GALK2: variants seen among roughly 807,000 people sequenced by gnomAD.
GALK2 encodes N-acetylgalactosamine kinase.
GALK2 carries 36 observed loss-of-function variants against 52.4 expected under a neutral mutation model. The ratio of observed to expected loss-of-function variants is 0.69; its 90% CI spans 0.53 to 0.91. The LOEUF (loss-of-function observed/expected upper bound fraction) is 0.91. Among genes scored for constraint, GALK2 ranks in the 40% least tolerant of loss-of-function variants. GALK2 has a pLI of 0.00. For missense variants in GALK2, 579 were observed against 559.1 expected (o/e 1.04, Z -0.36); for synonymous variants, 176 against 199.1 (o/e 0.88, Z 0.98).
At chr15:49,186,211 C>G (rs2086325452) in intron 1 of GALK2, among the ~76,000 whole-genome samples, 1 of 152,174 alleles carries the variant, frequency 6.6e-6, no homozygotes, top group African/African-American at 2.4e-5. Context: ...CAGTCTCTCT[C>G]ACTCTCTATG....
intron 1 of GALK2, among the ~76,000 whole-genome samples, chr15:49,173,849 C>G (rs1172115596): frequency 6.6e-6 from 1 of 152,022 alleles, no homozygotes; most frequent in Non-Finnish European, 1.5e-5. Context: ...TCAAGAGATT[C>G]TCCTTGTCTC....
chr15:49,270,492 G>A (rs2030332363), intron 5 of GALK2, among the ~76,000 whole-genome samples: 1 of 152,180 alleles, frequency 6.6e-6, no homozygotes, highest in Admixed American at 6.5e-5. Context: ...TGCAAGAGTG[G>A]TGTTCACATG....
rs891415908 is a variant in GALK2, at chr15:49,357,585, G to A, written c.427-9906G>A. ...GACCAATAACAGGAGCTGAAATTGT[G>A]GCAATAATCAATAGCTTACCAACCA... On this transcript the variant is annotated intron_variant, in intron 3 of 3. Transcript: ENST00000558399. Among the ~76,000 whole-genome samples the A allele has an allele frequency of 8.6e-5, 13 of 151,354 alleles. No individual in the cohort carries two copies. In the South Asian group the frequency reaches 1.9e-3, roughly 22 times the overall value.
intron 3 of GALK2, chr15:49,343,500 G>A (rs185878332): frequency 2.3e-4 from 35 of 152,266 alleles, no homozygotes; most frequent in African/African-American, 8.2e-4. Context: ...ATGGAAGAGT[G>A]ACTGTATTTT....
At chr15:49,201,302 C>G (rs753109172) in intron 2 of GALK2, 52 bp downstream of exon 2, 3 of 953,182 alleles carry the variant, frequency 3.1e-6, no homozygotes, top group Non-Finnish European at 4.8e-6. Flanking sequence ...TTGATAAGAT[C>G]TAAATTTTTA....
At chr15:49,297,065 C>A (rs1195515337) in intron 8 of GALK2, among the ~76,000 whole-genome samples, 1 of 152,164 alleles carries the variant, frequency 6.6e-6, no homozygotes, top group Non-Finnish European at 1.5e-5. Context: ...TATAAACATT[C>A]CCTTTTCTTG....
chr15:49,192,414 G>A (rs1468022267), intron 1 of GALK2, among the ~76,000 whole-genome samples: 2 of 147,332 alleles, frequency 1.4e-5, no homozygotes, highest in African/African-American at 5.0e-5. Flanking sequence ...ATTCTCCTAT[G>A]TAAGAGTGTT....
In GALK2 at chr15:49,292,504, C is replaced by G; in HGVS notation, c.934C>G (p.Arg312Gly). 6.2e-7 allele frequency: 1 copy of G among 1,613,940 alleles called. No individual in the cohort carries two copies. The highest frequency in any genetic ancestry group is 8.5e-7 in the Non-Finnish European group (1 of 1,179,946). Residue 312 changes from arginine to glycine, a missense_variant, in exon 8 of 10, where the codon CGA (arginine) becomes GGA (glycine). By Grantham distance (125) the Arg-to-Gly change is moderately radical. Coordinates refer to ENST00000560031, the MANE Select transcript of GALK2 (RefSeq NM_002044.4). Reference protein sequence around the residue: ...RCLGISLEELRTQILSPNTQD... With the variant: ...RCLGISLEELGTQILSPNTQD... ...TCTGGGAATTAGCCTGGAGGAACTC[C>G]GAACCCAAATCCTGAGTCCAAACAC...
chr15:49,228,567 GTTTAT>G (rs1262068556), intron 3 of GALK2, among the ~76,000 whole-genome samples: 1 of 122,574 alleles, frequency 8.2e-6, no homozygotes, highest in African/African-American at 3.1e-5. Flanking sequence ...CAATATTTTT[GTTTAT>G]TTTATGATAT....
intron 5 of GALK2, among the ~76,000 whole-genome samples, chr15:49,276,905 T>G (rs1394310459): frequency 1.6e-3 from 28 of 17,660 alleles, no homozygotes; most frequent in South Asian, 6.4e-3. Flanking sequence ...GAATCTGAGG[T>G]TTTTTTTTTT....
chr15:49,284,021 G>A lies in GALK2; in HGVS notation c.756+303G>A, dbSNP rs562092097. Reference sequence around the variant, plus strand: ...GGGACAATTGATGGGAATGACCACAGCTGGTCTTGTTTCCTCAACAAAAGT... The same window carrying A: ...GGGACAATTGATGGGAATGACCACAACTGGTCTTGTTTCCTCAACAAAAGT... On this transcript the variant is annotated intron_variant, in intron 7 of 9. Coordinates refer to ENST00000560031, the MANE Select transcript of GALK2 (RefSeq NM_002044.4). 1.2e-3 allele frequency among the ~76,000 whole-genome samples: 188 copies of A among 152,282 alleles called. 1 individual carries two copies. The highest frequency in any genetic ancestry group is 2.0e-3 in the Admixed American group (30 of 15,298).
downstream of GALK2, among the ~76,000 whole-genome samples, chr15:49,333,366 A>T (rs557682342): frequency 6.6e-6 from 1 of 152,328 alleles, no homozygotes; most frequent in African/African-American, 2.4e-5. Context: ...TTATATATCC[A>T]AATATGTATG....
intron 9 of GALK2, among the ~76,000 whole-genome samples, chr15:49,323,227 G>A (rs1398843496): frequency 1.3e-5 from 2 of 152,252 alleles, no homozygotes; most frequent in East Asian, 3.9e-4. Context: ...ACTGGAAGGG[G>A]TCCTGGCAAG....
intron 1 of GALK2, among the ~76,000 whole-genome samples, chr15:49,162,230 A>G (rs7172245): frequency 0.013 from 2,055 of 152,326 alleles, 47 homozygotes; most frequent in African/African-American, 0.048. Context: ...ATATAAATGG[A>G]ATCATGCAAT....
chr15:49,329,501 A>C lies in GALK2; in HGVS notation c.*1342A>C, dbSNP rs1177375636. On this transcript the variant is annotated 3_prime_UTR_variant, in exon 10 of 10. Transcript: ENST00000560031. ...ATTGGGCATCACCATCTAGAATTTC[A>C]GTTTAAGGGAGGCCTGCGCAAAGCT... The C allele has an allele frequency of 1.0e-6, 1 of 985,220 alleles. No homozygotes were observed. Among genetic ancestry groups the C allele is most frequent in the East Asian group, 1.1e-4 (1 of 8,828 alleles). The allele number at this position is 985,220 out of a possible 1,614,324, so 61.0% of individuals were successfully genotyped here.
chr15:49,337,482 C>A (rs2039930355), intron 3 of GALK2, among the ~76,000 whole-genome samples: 6 of 141,480 alleles, frequency 4.2e-5, no homozygotes, highest in African/African-American at 1.6e-4. Flanking sequence ...TGGACACTTG[C>A]AATGTCTGTT....
At chr15:49,297,588 C>G (rs1182878795) in intron 8 of GALK2, among the ~76,000 whole-genome samples, 1 of 151,966 alleles carries the variant, frequency 6.6e-6, no homozygotes, top group Non-Finnish European at 1.5e-5. Flanking sequence ...TTTAATCTAC[C>G]TTGAGTTGAT....
At chr15:49,294,492 G>A (rs1009520936) in intron 8 of GALK2, among the ~76,000 whole-genome samples, 2 of 152,160 alleles carry the variant, frequency 1.3e-5, no homozygotes, top group Non-Finnish European at 2.9e-5. Context: ...AGGTAATGTG[G>A]GAGGTAATCA....
intron 3 of GALK2, among the ~76,000 whole-genome samples, chr15:49,351,656 C>T (rs2042263200): frequency 6.6e-6 from 1 of 152,128 alleles, no homozygotes; most frequent in African/African-American, 2.4e-5. Flanking sequence ...TATTTGAGTG[C>T]TCTTGGAATC....
Sources: gnomAD v4.1 joint callset for allele counts (sites outside exome capture counted in the v4.1 genomes callset) on GRCh38, gnomAD v4.1.1 for gene constraint, MANE v1.5 for transcripts, NCBI Gene and HGNC (gene_info 2026-07-23, HGNC 2026-07-21) for gene names.